PPEF1: variants seen among roughly 807,000 people sequenced by gnomAD.
The protein encoded by PPEF1 is serine/threonine-protein phosphatase with EF-hands 1.
PPEF1 carries 12 observed loss-of-function variants against 53.3 expected under a neutral mutation model. The observed-to-expected ratio is 0.23, with a 90% CI of 0.14 to 0.36. PPEF1 has a LOEUF of 0.36. Ranked by LOEUF, PPEF1 falls within the 10% of genes least tolerant of loss-of-function variation. PPEF1 has a pLI of 1.00. For synonymous variants in PPEF1, 165 were observed against 176.7 expected (o/e 0.93, Z 0.52); for missense variants, 334 against 490.4 (o/e 0.68, Z 3.01).
chrX:18,765,702 G>A (rs1035631232), intron 6 of PPEF1, among the ~76,000 whole-genome samples: 2 of 110,921 alleles, frequency 1.8e-5, no homozygotes, highest in Admixed American at 1.9e-4. Flanking sequence ...CAGAAAACCC[G>A]GAAACTATAT....
intron 4 of PPEF1, among the ~76,000 whole-genome samples, chrX:18,695,321 A>G (rs1297627688): frequency 8.8e-6 from 1 of 113,065 alleles, no homozygotes; most frequent in Non-Finnish European, 1.9e-5. Flanking sequence ...AGGGTCTGCT[A>G]GCAAGACAGA....
chrX:18,726,588 CTTG>C (rs1301031213), intron 1 of PPEF1, among the ~76,000 whole-genome samples: 1 of 110,206 alleles, frequency 9.1e-6, no homozygotes, highest in Non-Finnish European at 1.9e-5. Context: ...GACCAAATGT[CTTG>C]TAATAGACCC....
intron 1 of PPEF1, among the ~76,000 whole-genome samples, chrX:18,712,043 C>T (rs1000143502): frequency 5.6e-4 from 63 of 112,124 alleles, no homozygotes; most frequent in African/African-American, 2.0e-3. Context: ...TAAGCCACCA[C>T]GCCAGGCCTA....
upstream of PPEF1, among the ~76,000 whole-genome samples, chrX:18,678,332 G>A (rs1029553035): frequency 1.8e-5 from 2 of 109,559 alleles, no homozygotes; most frequent in African/African-American, 6.7e-5. Context: ...TACTCTGGAG[G>A]ACTGAGGCAG....
At chrX:18,726,190 C>G (rs1253317674) in intron 1 of PPEF1, among the ~76,000 whole-genome samples, 1 of 109,850 alleles carries the variant, frequency 9.1e-6, no homozygotes. Flanking sequence ...CTTGTCTCTA[C>G]AGAAAATACA....
intron 3 of PPEF1, among the ~76,000 whole-genome samples, chrX:18,739,937 G>A (rs1041504090): frequency 1.8e-5 from 2 of 112,725 alleles, no homozygotes. Context: ...TCCAAGCCAG[G>A]TGTGGGATAT....
intron 10 of PPEF1, among the ~76,000 whole-genome samples, chrX:18,793,098 A>C (rs997696477): frequency 3.8e-5 from 4 of 106,240 alleles, no homozygotes; most frequent in African/African-American, 1.0e-4. Flanking sequence ...TCTTTTTTTC[A>C]GTTTCCTTAG....
chrX:18,815,594 A>G (rs2046889781), intron 12 of PPEF1, among the ~76,000 whole-genome samples: 2 of 111,786 alleles, frequency 1.8e-5, no homozygotes, highest in South Asian at 7.3e-4. Flanking sequence ...CATCTATGTT[A>G]TCTAATTTGT....
At chrX:18,731,168 T>A (rs560816475) in intron 2 of PPEF1, among the ~76,000 whole-genome samples, 2 of 112,634 alleles carry the variant, frequency 1.8e-5, no homozygotes, top group East Asian at 2.8e-4. Flanking sequence ...GTTTATCTCA[T>A]TTATGTGAAA....
intron 1 of PPEF1, among the ~76,000 whole-genome samples, chrX:18,725,567 C>T (rs1342500184): frequency 8.9e-6 from 1 of 111,799 alleles, no homozygotes; most frequent in Admixed American, 9.5e-5. Context: ...GTCTGCCTTT[C>T]CCACCCCTAT....
chrX:18,807,958 C>A lies in PPEF1; in HGVS notation c.1394+1413C>A, dbSNP rs181583744. Among the ~76,000 whole-genome samples the A allele has an allele frequency of 6.1e-4, 59 of 96,939 alleles. 1 individual carries two copies. In the East Asian group the frequency reaches 0.013, roughly 22 times the overall value. The allele number at this position is 96,939 out of a possible 115,157, so 84.2% of individuals were successfully genotyped here. A position where few individuals can be genotyped will look rare whatever the true frequency, so the allele number is the denominator to read the frequency against. On this transcript the variant is annotated intron_variant, in intron 12 of 15. Transcript: ENST00000470157. Reference sequence around the variant, plus strand: ...TACAGGTGTGAGCTACCACGCCCAGCCTGTACGTACATTTTTTTTTTTTTT... The same window carrying A: ...TACAGGTGTGAGCTACCACGCCCAGACTGTACGTACATTTTTTTTTTTTTT...
At chrX:18,725,733 A>G (rs989338166) in intron 1 of PPEF1, among the ~76,000 whole-genome samples, 2 of 111,739 alleles carry the variant, frequency 1.8e-5, no homozygotes, top group African/African-American at 3.3e-5. Context: ...GCGTATGAGC[A>G]TAGGCAGAGA....
At chrX:18,811,020 C>T (rs1411231736) in intron 12 of PPEF1, among the ~76,000 whole-genome samples, 1 of 112,407 alleles carries the variant, frequency 8.9e-6, no homozygotes, top group Non-Finnish European at 1.9e-5. Context: ...AGGTTTTCTA[C>T]ATCATTGCCA....
chrX:18,756,476 G>A (rs1413704166), intron 4 of PPEF1, among the ~76,000 whole-genome samples: 3 of 111,596 alleles, frequency 2.7e-5, no homozygotes, highest in African/African-American at 6.5e-5. Context: ...CACTGTGCCC[G>A]GCCCTAAAAC....
At chrX:18,805,276 G>A (rs1026851300) in intron 11 of PPEF1, among the ~76,000 whole-genome samples, 1 of 111,080 alleles carries the variant, frequency 9.0e-6, no homozygotes, top group Admixed American at 9.7e-5. Context: ...TAGCCACCGC[G>A]CCTGGCCTGG....
intron 9 of PPEF1, among the ~76,000 whole-genome samples, chrX:18,787,647 C>T (rs768862718): frequency 5.5e-5 from 6 of 108,389 alleles, no homozygotes; most frequent in South Asian, 4.1e-4. Flanking sequence ...CAGCTGGGCA[C>T]GGTGGCTCAT....
At chrX:18,799,723 G>T (rs532118041) in intron 10 of PPEF1, among the ~76,000 whole-genome samples, 28 of 111,286 alleles carry the variant, frequency 2.5e-4, no homozygotes, top group African/African-American at 8.8e-4. Context: ...TCAGTAAAAC[G>T]TTCCCATTTT....
intron 10 of PPEF1, among the ~76,000 whole-genome samples, chrX:18,801,032 G>A (rs1389003172): frequency 8.9e-6 from 1 of 111,940 alleles, no homozygotes; most frequent in Non-Finnish European, 1.9e-5. Context: ...TGACATCATG[G>A]TGTAAGAGCC....
At chrX:18,821,191 C>T (rs1269198922) in intron 13 of PPEF1, among the ~76,000 whole-genome samples, 1 of 100,384 alleles carries the variant, frequency 1.0e-5, no homozygotes, top group Non-Finnish European at 2.0e-5. Flanking sequence ...CCACTGCACT[C>T]CAGACTGGGA....
Sources: allele counts gnomAD v4.1 joint callset (sites outside exome capture counted in the v4.1 genomes callset), GRCh38; gene constraint gnomAD v4.1.1; transcripts MANE v1.5; gene names NCBI Gene and HGNC (gene_info 2026-07-23, HGNC 2026-07-21).